Variants in BLNK observed in about 807,000 individuals in gnomAD.
The protein encoded by BLNK is B cell linker.
Under a neutral mutation model 73.5 loss-of-function variants are expected in BLNK, and 29 were observed. The ratio of observed to expected loss-of-function variants is 0.39; its 90% CI spans 0.29 to 0.54. The LOEUF is 0.54. BLNK is among the 20% of genes least tolerant of loss of function. BLNK has a pLI of 0.61. For missense variants in BLNK, 460 were observed against 562.8 expected, an observed-to-expected ratio of 0.82 and a Z score of 1.85; for synonymous variants, 176 against 200.8, an observed-to-expected ratio of 0.88 and a Z score of 1.04.
chr10:96,255,490 A>AT lies in BLNK; in HGVS notation c.48-8442dup, dbSNP rs201682708. On this transcript the variant is annotated intron_variant, in intron 1 of 16. Transcript: ENST00000224337. ...AGGACAATGATAGGCAGGTTTCAGG[A>AT]TTTTTTTTTTTTCATTTGTCTTTCA... Among the ~76,000 whole-genome samples the AT allele has an allele frequency of 2.8e-3, 419 of 147,124 alleles. 1 individual carries two copies. The highest frequency in any genetic ancestry group is 0.025 in the Middle Eastern group (7 of 280).
chr10:96,193,752 TCA>T (rs1554894032), intron 16 of BLNK, among the ~76,000 whole-genome samples: 2 of 152,204 alleles, frequency 1.3e-5, no homozygotes, highest in Non-Finnish European at 2.9e-5. Flanking sequence ...CAATGTTGTA[TCA>T]CACAGTGCCA....
intron 16 of BLNK, among the ~76,000 whole-genome samples, chr10:96,193,592 C>T (rs1460128222): frequency 6.6e-6 from 1 of 152,186 alleles, no homozygotes; most frequent in Non-Finnish European, 1.5e-5. Flanking sequence ...TTGGGCATAA[C>T]ATAGTTACAG....
chr10:96,210,006 C>T (rs375116946), intron 8 of BLNK, 99 bp from the exon 9 acceptor site: 3 of 1,274,284 alleles, frequency 2.4e-6, no homozygotes, highest in South Asian at 1.2e-5. Flanking sequence ...AATATTTGCA[C>T]ATACTGTGTT....
In BLNK at chr10:96,228,884, C is replaced by T. The variant is rs188787098; in HGVS notation, c.205-1318G>A. ...ACTTTCCACTTGCTCTTTGGCCTGT[C>T]GCCTTTCATAAGCAATTTTATATAG... On this transcript the variant is annotated intron_variant, in intron 4 of 16. Transcript: ENST00000224337. Among the ~76,000 whole-genome samples the T allele has an allele frequency of 1.6e-3, 237 of 152,100 alleles. 1 individual carries two copies. Among genetic ancestry groups the T allele is most frequent in the Middle Eastern group, 6.8e-3 (2 of 294 alleles).
intron 16 of BLNK, among the ~76,000 whole-genome samples, chr10:96,194,221 C>G (rs2083400988): frequency 6.6e-6 from 1 of 152,162 alleles, no homozygotes; most frequent in African/African-American, 2.4e-5. Flanking sequence ...CACCCTTAAG[C>G]CTCTTATAGA....
intron 6 of BLNK, among the ~76,000 whole-genome samples, chr10:96,218,516 A>G (rs2084119313): frequency 6.6e-6 from 1 of 152,104 alleles, no homozygotes; most frequent in Non-Finnish European, 1.5e-5. Context: ...ACATGGTGAA[A>G]CCCTGTCTCT....
At chr10:96,239,094 G>C (rs587756759) in intron 3 of BLNK, 164 of 398,634 alleles carry the variant, frequency 4.1e-4, no homozygotes, top group Non-Finnish European at 3.5e-5. Flanking sequence ...CCACACTTCT[G>C]CATTCCAGGA....
intron 1 of BLNK, among the ~76,000 whole-genome samples, chr10:96,269,827 C>T (rs1251013041): frequency 6.6e-6 from 1 of 152,198 alleles, no homozygotes; most frequent in East Asian, 1.9e-4. Context: ...ACTCTCCTCA[C>T]TATCCCACAA....
chr10:96,262,027 C>T (rs1273748887), intron 1 of BLNK, among the ~76,000 whole-genome samples: 1 of 152,136 alleles, frequency 6.6e-6, no homozygotes, highest in African/African-American at 2.4e-5. Flanking sequence ...GGGGAACTCC[C>T]GTTTACTTAG....
At chr10:96,209,550 G>A (rs587742312) in intron 9 of BLNK, among the ~76,000 whole-genome samples, 82 of 152,206 alleles carry the variant, frequency 5.4e-4, no homozygotes, top group African/African-American at 1.8e-3. Context: ...GTGCCACCAC[G>A]CCTGGCTAAT....
intron 11 of BLNK, 126 bp from the exon 12 acceptor site, chr10:96,204,742 C>T: frequency 9.9e-6 from 8 of 809,034 alleles, no homozygotes; most frequent in East Asian, 2.8e-5. Flanking sequence ...GTCTTAGTTA[C>T]TGAGATGTCA....
rs375932597 is a variant in BLNK, at chr10:96,264,850, C to T, written c.47+6502G>A. 5.9e-4 allele frequency among the ~76,000 whole-genome samples: 90 copies of T among 152,278 alleles called. No individual in the cohort carries two copies. In the South Asian group the frequency reaches 0.016, roughly 26 times the overall value. ...GAAGATTAAAGGATGGACAAGCAAA[C>T]GCATTTCATCTCTCCTCCACCAGCT... On this transcript the variant is annotated intron_variant, in intron 1 of 16. Coordinates refer to ENST00000224337, the MANE Select transcript of BLNK (RefSeq NM_013314.4).
At chr10:96,267,589 G>A (rs181754249) in intron 1 of BLNK, among the ~76,000 whole-genome samples, 1 of 152,348 alleles carries the variant, frequency 6.6e-6, no homozygotes, top group Admixed American at 6.5e-5. Flanking sequence ...AAAGGTCTCA[G>A]TGAGACCCCT....
chr10:96,235,820 A>G (rs1842668600), intron 3 of BLNK, among the ~76,000 whole-genome samples: 2 of 152,076 alleles, frequency 1.3e-5, no homozygotes, highest in African/African-American at 4.8e-5. Flanking sequence ...CAGGGCTTAG[A>G]GGCAGATGTG....
intron 8 of BLNK, chr10:96,210,307 C>T (rs782767484): frequency 2.3e-5 from 6 of 259,534 alleles, no homozygotes; most frequent in South Asian, 1.0e-4. Context: ...CAAATGTGCA[C>T]GGCAGAGGTG....
chr10:96,205,979 G>A (rs1220426223), intron 11 of BLNK, among the ~76,000 whole-genome samples: 2 of 152,156 alleles, frequency 1.3e-5, no homozygotes, highest in Non-Finnish European at 2.9e-5. Context: ...TGCAAGGAAT[G>A]GAAGTACAGA....
intron 5 of BLNK, among the ~76,000 whole-genome samples, chr10:96,225,668 G>A (rs373740530): frequency 6.7e-6 from 1 of 148,648 alleles, no homozygotes; most frequent in Non-Finnish European, 1.5e-5. Context: ...TTGAGACAGA[G>A]TTTCACTCTT....
intron 1 of BLNK, among the ~76,000 whole-genome samples, chr10:96,269,999 CTAAG>C (rs1373082864): frequency 1.3e-5 from 2 of 152,212 alleles, no homozygotes; most frequent in Admixed American, 1.3e-4. Flanking sequence ...TCCTGCTACT[CTAAG>C]TCTCTTCTTA....
intron 3 of BLNK, among the ~76,000 whole-genome samples, chr10:96,241,127 C>T (rs1174807354): frequency 6.6e-6 from 1 of 152,192 alleles, no homozygotes; most frequent in Non-Finnish European, 1.5e-5. Flanking sequence ...GCAGGTTGGT[C>T]AGCATTTCTC....
Sources: gnomAD v4.1 joint callset for allele counts (sites outside exome capture counted in the v4.1 genomes callset) on GRCh38, gnomAD v4.1.1 for gene constraint, MANE v1.5 for transcripts, NCBI Gene and HGNC (gene_info 2026-07-23, HGNC 2026-07-21) for gene names.